SPTBN1: variants seen among roughly 807,000 people sequenced by gnomAD.
SPTBN1 encodes spectrin beta chain, non-erythrocytic 1.
A neutral mutation model predicts 266.4 loss-of-function variants in SPTBN1; 32 were observed. That is an observed-to-expected ratio of 0.12 (90% CI 0.09 to 0.16). SPTBN1 has a LOEUF of 0.16. SPTBN1 is among the 10% of genes least tolerant of loss of function. SPTBN1 has a pLI of 1.00. For synonymous variants in SPTBN1, 1,336 were observed against 1,162.2 expected (o/e 1.15, Z -3.04); for missense variants, 2,296 against 3,067.1 (o/e 0.75, Z 5.94).
At chr2:54,572,438 T>C (rs1674152904) in intron 2 of SPTBN1, among the ~76,000 whole-genome samples, 1 of 152,196 alleles carries the variant, frequency 6.6e-6, no homozygotes, top group Non-Finnish European at 1.5e-5. Flanking sequence ...TGTCTTTGTT[T>C]ACAGAGATAA....
intron 1 of SPTBN1, chr2:54,457,149 G>GCCCC (rs1693088522): frequency 1.8e-5 from 1 of 54,058 alleles, no homozygotes; most frequent in Non-Finnish European, 3.4e-5. Context: ...ACCCTCGTGC[G>GCCCC]CCCGCCCCCC....
chr2:54,566,185 C>CTT (rs59369956), intron 2 of SPTBN1, among the ~76,000 whole-genome samples: 15 of 125,208 alleles, frequency 1.2e-4, no homozygotes, highest in South Asian at 2.5e-4. Flanking sequence ...TTTCTTTTTT[C>CTT]TTTTTTTTTT....
intron 1 of SPTBN1, among the ~76,000 whole-genome samples, chr2:54,483,785 T>A (rs570640509): frequency 1.6e-4 from 25 of 152,308 alleles, no homozygotes; most frequent in African/African-American, 6.0e-4. Flanking sequence ...TTTCTCCTGT[T>A]TTGTCATTGT....
At position 54,626,938 on chromosome 2, in the gene SPTBN1, C is replaced by T. The variant is rs1159736726; in HGVS notation, c.1644+704C>T. On this transcript the variant is annotated intron_variant, in intron 12 of 35. Transcript: ENST00000356805. The surrounding 1 kb of genome is among the most constrained non-coding windows in gnomAD (Gnocchi z 4.7). The stretch of plus-strand genomic sequence containing the variant: ...TGGCCCTGTACCTGTTCATGTCCTC[C>T]AATGCAGGCCATGGAATGCTCAGCC... Among the ~76,000 whole-genome samples the T allele has an allele frequency of 6.6e-6, 1 of 152,144 alleles. No homozygotes were observed. Among genetic ancestry groups the T allele is most frequent in the Non-Finnish European group, 1.5e-5 (1 of 68,022 alleles).
At position 54,629,579 on chromosome 2, in the gene SPTBN1, C is replaced by T. The variant is rs775244494; in HGVS notation, c.2445C>T (p.Ala815=). The change falls in exon 14 of 36, where the codon GCC becomes GCT. Residue 815 remains alanine, a synonymous_variant. Transcript: ENST00000356805. ...CCAGCGCCCTCCCCCAGGAGCATGC[C>T]GAGTCTCCAGACGTGAGGGGCAGGC... The part of the protein sequence containing the change: ...EQASALPQEH[A]ESPDVRGRLS... 29 of 1,614,072 alleles carry T rather than the reference C, an allele frequency of 1.8e-5. No individual in the cohort carries two copies. Among genetic ancestry groups the T allele is most frequent in the Middle Eastern group, 1.7e-4 (1 of 6,060 alleles).
intron 8 of SPTBN1, 132 bp from the exon 9 acceptor site, chr2:54,622,168 T>TGAACTGTTTCAGAGCTGGCC (rs1678032514): frequency 2.3e-6 from 2 of 864,818 alleles, no homozygotes; most frequent in Non-Finnish European, 3.5e-6. Flanking sequence ...CAGGTACAGC[T>TGAACTGTTTCAGAGCTGGCC]GAACTGTTTC....
intron 2 of SPTBN1, among the ~76,000 whole-genome samples, chr2:54,567,805 C>G (rs1472820808): frequency 6.6e-6 from 1 of 152,112 alleles, no homozygotes; most frequent in African/African-American, 2.4e-5. Flanking sequence ...TATAGAAAGG[C>G]TAGTCTGACT....
intron 1 of SPTBN1, among the ~76,000 whole-genome samples, chr2:54,477,585 C>T (rs1473994114): frequency 3.3e-5 from 5 of 152,030 alleles, no homozygotes; most frequent in Non-Finnish European, 7.4e-5. Flanking sequence ...CCTCACAGCC[C>T]CACCCTACCC....
intron 3 of SPTBN1, among the ~76,000 whole-genome samples, chr2:54,607,289 A>G (rs1000428059): frequency 2.0e-5 from 3 of 152,260 alleles, no homozygotes; most frequent in Non-Finnish European, 4.4e-5. Context: ...TTTACATACC[A>G]TTTATATTGT....
At position 54,669,256 on chromosome 2, in the gene SPTBN1, G is replaced by C; in HGVS notation, c.*687G>C. On this transcript the variant is annotated 3_prime_UTR_variant, in exon 36 of 36. Transcript: ENST00000356805. ...GTAATTTCAATTTTTTTTTTTTGCT[G>C]AAATACATTATATTGTACGTTTGAG... 1 of 123,620 alleles carries C rather than the reference G, an allele frequency of 8.1e-6. No individual in the cohort carries two copies. Among genetic ancestry groups the C allele is most frequent in the East Asian group, 2.4e-4 (1 of 4,234 alleles). 7.7% of individuals were successfully genotyped at this position (123,620 alleles called of 1,614,324 possible).
Position 54,526,452 on chromosome 2 carries a change from A to G in SPTBN1, c.34A>G (p.Ile12Val), listed in dbSNP as rs1307967012. The change falls in exon 2 of 36, where the codon ATT (isoleucine) becomes GTT (valine). Residue 12 changes from isoleucine to valine, a missense_variant. Around this residue, in one of 12 missense-constraint regions of SPTBN1, gnomAD observed 178 missense variants for 375.7 expected, o/e 0.47. Transcript: ENST00000356805. ...CACAGTAGCCACAGACTATGACAACATTGAGATCCAGCAGCAGTACAGTGA... is the reference window on the plus strand; with the variant it reads ...CACAGTAGCCACAGACTATGACAACGTTGAGATCCAGCAGCAGTACAGTGA... ...TTTVATDYDN[I>V]EIQQQYSDVN... is the part of the protein sequence containing the mutation. 6 of 1,614,108 alleles carry G rather than the reference A, an allele frequency of 3.7e-6. No homozygotes were observed. Among genetic ancestry groups the G allele is most frequent in the African/African-American group, 2.7e-5 (2 of 74,934 alleles).
intron 1 of SPTBN1, among the ~76,000 whole-genome samples, chr2:54,484,040 C>T (rs1455121053): frequency 6.6e-6 from 1 of 151,930 alleles, no homozygotes; most frequent in South Asian, 2.1e-4. Context: ...GCAAAAAATA[C>T]AAAAATTGGC....
chr2:54,637,648 G>C, intron 17 of SPTBN1, 65 bp from the exon 18 acceptor site: 2 of 1,263,996 alleles, frequency 1.6e-6, no homozygotes, highest in East Asian at 2.4e-5. Context: ...AAATTGATTT[G>C]TATTCTGTAT....
intron 1 of SPTBN1, among the ~76,000 whole-genome samples, chr2:54,507,403 C>T (rs1281321877): frequency 2.0e-5 from 3 of 151,974 alleles, no homozygotes; most frequent in African/African-American, 7.3e-5. Context: ...TTTCTCAGGG[C>T]TGCTTTGAGC....
At chr2:54,569,169 A>G (rs1673883264) in intron 2 of SPTBN1, among the ~76,000 whole-genome samples, 1 of 152,196 alleles carries the variant, frequency 6.6e-6, no homozygotes, top group Non-Finnish European at 1.5e-5. Flanking sequence ...CCTGGGAAGA[A>G]GAAAGGAACG....
chr2:54,668,579 C>A lies in SPTBN1; in HGVS notation c.*10C>A, dbSNP rs1681540685. The A allele has an allele frequency of 6.3e-7, 1 of 1,598,380 alleles. No individual in the cohort carries two copies. The highest frequency in any genetic ancestry group is 8.5e-7 in the Non-Finnish European group (1 of 1,172,146). ...TGGCAAAAAGAAATGAACTCCTTTC[C>A]TTCACCTCCTGCCCTTCTCTTACCT... On this transcript the variant is annotated 3_prime_UTR_variant, in exon 36 of 36. Transcript: ENST00000356805.
chr2:54,610,289 C>G (rs552926751), intron 3 of SPTBN1, among the ~76,000 whole-genome samples: 5 of 152,206 alleles, frequency 3.3e-5, no homozygotes, highest in African/African-American at 1.2e-4. Context: ...CATTCTCCAG[C>G]CTTAGATCCT....
At chr2:54,618,582 T>C (rs941915251) in intron 7 of SPTBN1, among the ~76,000 whole-genome samples, 5 of 152,182 alleles carry the variant, frequency 3.3e-5, no homozygotes, top group Non-Finnish European at 7.4e-5. Flanking sequence ...CAGGGAGTCA[T>C]TGAAGGTTCT....
Position 54,668,713 on chromosome 2 carries a change from G to C in SPTBN1, c.*144G>C. On this transcript the variant is annotated 3_prime_UTR_variant, in exon 36 of 36. Coordinates refer to ENST00000356805, the MANE Select transcript of SPTBN1 (RefSeq NM_003128.3). ...TTTTTTTTAATTTATAGAGCATTTC[G>C]GGGGGGGTGGGGGAAACACACCTAA... 6 of 614,460 alleles carry C rather than the reference G, an allele frequency of 9.8e-6. 1 individual carries two copies. In the South Asian group the frequency reaches 1.0e-4, roughly 11 times the overall value. 38.1% of individuals were successfully genotyped at this position (614,460 alleles called of 1,614,324 possible).
Sources: gnomAD v4.1 joint callset for allele counts (sites outside exome capture counted in the v4.1 genomes callset) on GRCh38, gnomAD v4.1.1 for gene constraint, gnomAD v4.1.1 regional missense constraint, Gnocchi (gnomAD v3.1) non-coding constraint, MANE v1.5 for transcripts, NCBI Gene and HGNC (gene_info 2026-07-23, HGNC 2026-07-21) for gene names.